FBXL7: variants seen among roughly 807,000 people sequenced by gnomAD.
The protein encoded by FBXL7 is F-box/LRR-repeat protein 7.
In FBXL7, 12 loss-of-function variants were observed where a neutral mutation model predicts 38.3. The ratio of observed to expected loss-of-function variants is 0.31; its 90% CI spans 0.20 to 0.51. FBXL7 has a LOEUF of 0.51. Ranked by LOEUF, FBXL7 falls within the 20% of genes least tolerant of loss-of-function variation. FBXL7 has a pLI of 0.98. For missense variants in FBXL7, 567 were observed against 676.4 expected, an observed-to-expected ratio of 0.84 and a Z score of 1.79; for synonymous variants, 297 against 300.9, an observed-to-expected ratio of 0.99 and a Z score of 0.13.
At chr5:15,733,935 C>T (rs992988612) in intron 2 of FBXL7, among the ~76,000 whole-genome samples, 2 of 152,002 alleles carry the variant, frequency 1.3e-5, no homozygotes, top group Non-Finnish European at 2.9e-5. Flanking sequence ...GGTGAAACCC[C>T]GTCTCTACTA....
At chr5:15,918,834 T>C (rs1465441821) in intron 2 of FBXL7, among the ~76,000 whole-genome samples, 1 of 152,238 alleles carries the variant, frequency 6.6e-6, no homozygotes, top group East Asian at 1.9e-4. Context: ...TGCTGGACGA[T>C]ATTCTCAGCA....
chr5:15,507,174 A>C (rs1006424048), intron 1 of FBXL7, among the ~76,000 whole-genome samples: 4 of 151,962 alleles, frequency 2.6e-5, no homozygotes, highest in Non-Finnish European at 5.9e-5. Flanking sequence ...TATCTCAAAA[A>C]ATCACCCTAG....
At chr5:15,670,963 G>A (rs964215698) in intron 2 of FBXL7, among the ~76,000 whole-genome samples, 4 of 152,104 alleles carry the variant, frequency 2.6e-5, no homozygotes, top group Non-Finnish European at 5.9e-5. Context: ...CCCTGGTGGA[G>A]CTAAGTGAAA....
intron 2 of FBXL7, among the ~76,000 whole-genome samples, chr5:15,709,167 A>G (rs899982576): frequency 6.6e-6 from 1 of 152,190 alleles, no homozygotes; most frequent in African/African-American, 2.4e-5. Context: ...GTGGACACAT[A>G]AGACCTGGGC....
intron 2 of FBXL7, among the ~76,000 whole-genome samples, chr5:15,894,272 C>T (rs116839209): frequency 0.01 from 1,549 of 152,014 alleles, 22 homozygotes; most frequent in African/African-American, 0.036. Context: ...AAAAACAAAA[C>T]AAACAAAACA....
chr5:15,640,582 G>A (rs1028015342), intron 2 of FBXL7, among the ~76,000 whole-genome samples: 8 of 150,674 alleles, frequency 5.3e-5, no homozygotes, highest in Non-Finnish European at 1.2e-4. Flanking sequence ...GGAGTGCAGT[G>A]GTGCAATCTG....
rs543016744 is a variant in FBXL7, at chr5:15,851,995, A to G, written c.128-75895A>G. On this transcript the variant is annotated intron_variant, in intron 2 of 3. Transcript: ENST00000504595. ...GGTATATCTAGAACACAAACCTCCA[A>G]GCAGGAACAACCCATTATCTCTCCT... Among the ~76,000 whole-genome samples the G allele has an allele frequency of 5.3e-5, 8 of 152,264 alleles. No individual in the cohort carries two copies. In the South Asian group the frequency reaches 1.7e-3, roughly 32 times the overall value.
intron 3 of FBXL7, among the ~76,000 whole-genome samples, chr5:15,931,144 T>C (rs1320741714): frequency 6.6e-6 from 1 of 152,234 alleles, no homozygotes; most frequent in Admixed American, 6.5e-5. Flanking sequence ...TGTTTTGTCA[T>C]TATCACATAT....
At chr5:15,761,543 T>C (rs1331713575) in intron 2 of FBXL7, among the ~76,000 whole-genome samples, 1 of 152,204 alleles carries the variant, frequency 6.6e-6, no homozygotes, top group Non-Finnish European at 1.5e-5. Context: ...TTGTAAATTA[T>C]TATTTATTTA....
At chr5:15,930,057 T>C (rs1229086717) in intron 3 of FBXL7, among the ~76,000 whole-genome samples, 2 of 152,204 alleles carry the variant, frequency 1.3e-5, no homozygotes, top group East Asian at 1.9e-4. Context: ...CATTACTTTT[T>C]GCAGATTCTT....
chr5:15,625,428 C>A (rs985348423), intron 2 of FBXL7, among the ~76,000 whole-genome samples: 5 of 152,024 alleles, frequency 3.3e-5, no homozygotes, highest in Non-Finnish European at 7.4e-5. Flanking sequence ...CCGAGGTGGC[C>A]GATCACATGA....
intron 2 of FBXL7, among the ~76,000 whole-genome samples, chr5:15,829,217 A>G (rs1269667058): frequency 1.3e-5 from 2 of 152,082 alleles, no homozygotes; most frequent in African/African-American, 4.8e-5. Flanking sequence ...TTAAGTCTTC[A>G]TTTTTATCCT....
chr5:15,666,668 T>C (rs1742290347), intron 2 of FBXL7, among the ~76,000 whole-genome samples: 1 of 152,212 alleles, frequency 6.6e-6, no homozygotes, highest in Admixed American at 6.5e-5. Flanking sequence ...AAACGTTCTA[T>C]TGGTACTCCA....
chr5:15,660,546 CG>C (rs1742028843), intron 2 of FBXL7, among the ~76,000 whole-genome samples: 1 of 151,588 alleles, frequency 6.6e-6, no homozygotes, highest in African/African-American at 2.4e-5. Flanking sequence ...TTGGTAGAGA[CG>C]GGGTTTCACC....
At chr5:15,710,797 A>T (rs1743840471) in intron 2 of FBXL7, among the ~76,000 whole-genome samples, 1 of 152,208 alleles carries the variant, frequency 6.6e-6, no homozygotes, top group African/African-American at 2.4e-5. Context: ...TTTATCAGAC[A>T]GCTCTGGAGG....
At position 15,693,798 on chromosome 5, in the gene FBXL7, G is replaced by A. The variant is rs563495094; in HGVS notation, c.127+77726G>A. On this transcript the variant is annotated intron_variant, in intron 2 of 3. Transcript: ENST00000504595. ...AGGGTGGTTGGAGAAGAGCCTGGCC[G>A]CTGAGCAGCCCGACTCCAGGGTAAG... Among the ~76,000 whole-genome samples, 10 of 152,244 alleles carry A rather than the reference G, an allele frequency of 6.6e-5. 1 individual carries two copies. In the East Asian group the frequency reaches 9.7e-4, roughly 15 times the overall value.
intron 2 of FBXL7, among the ~76,000 whole-genome samples, chr5:15,707,431 A>G (rs1743725350): frequency 6.6e-6 from 1 of 151,980 alleles, no homozygotes; most frequent in Non-Finnish European, 1.5e-5. Context: ...TTTAAACTGA[A>G]CATAATCAGG....
At chr5:15,650,764 A>G (rs12520060) in intron 2 of FBXL7, among the ~76,000 whole-genome samples, 17,179 of 152,264 alleles carry the variant, frequency 0.11, 1,148 homozygotes, top group African/African-American at 0.19. Flanking sequence ...TTGCTCATCC[A>G]TAAGAAGCAA....
chr5:15,711,903 A>G (rs1554016342), intron 2 of FBXL7, among the ~76,000 whole-genome samples: 1 of 152,220 alleles, frequency 6.6e-6, no homozygotes, highest in Non-Finnish European at 1.5e-5. Flanking sequence ...AGATATATTA[A>G]CAGCAGTAAT....
Sources: allele counts gnomAD v4.1 joint callset (sites outside exome capture counted in the v4.1 genomes callset), GRCh38; gene constraint gnomAD v4.1.1; transcripts MANE v1.5; gene names NCBI Gene and HGNC (gene_info 2026-07-23, HGNC 2026-07-21).